The following ADARB1 variants were observed in gnomAD, a reference collection of about 807,000 sequenced individuals.
The protein encoded by ADARB1 is adenosine deaminase RNA specific B1, also known as double-stranded RNA-specific editase 1.
ADARB1 carries 10 observed loss-of-function variants against 52.4 expected under a neutral mutation model. The ratio of observed to expected loss-of-function variants is 0.19; its 90% CI spans 0.12 to 0.32. ADARB1 has a LOEUF of 0.32. ADARB1 is among the 10% of genes least tolerant of loss of function. The pLI is 1.00. For missense variants in ADARB1, 643 were observed against 922.3 expected, an observed-to-expected ratio of 0.70 and a Z score of 3.92; for synonymous variants, 349 against 371.1, an observed-to-expected ratio of 0.94 and a Z score of 0.68.
At chr21:45,122,408 C>A (rs773485069) in intron 1 of ADARB1, among the ~76,000 whole-genome samples, 2 of 152,180 alleles carry the variant, frequency 1.3e-5, no homozygotes, top group African/African-American at 2.4e-5. Flanking sequence ...CCTCAGTGGT[C>A]CCTCTTTTCA....
At chr21:45,116,761 C>T (rs186829764) in intron 1 of ADARB1, among the ~76,000 whole-genome samples, 2 of 152,308 alleles carry the variant, frequency 1.3e-5, no homozygotes, top group South Asian at 2.1e-4. Context: ...CTCACTATCA[C>T]GAAAACAGCA....
In ADARB1 at chr21:45,224,015, G is replaced by T; in HGVS notation, c.*1818G>T. 16 of 985,518 alleles carry T rather than the reference G, an allele frequency of 1.6e-5. No homozygotes were observed. Among genetic ancestry groups the T allele is most frequent in the Non-Finnish European group, 1.9e-5 (16 of 829,994 alleles). The allele number at this position is 985,518 out of a possible 1,614,324, so 61.0% of individuals were successfully genotyped here. ...ACCACAGTGGGGTTTTGTTCAGGCAGATCGCGCTGGGGTTCTGCACCTGCA... is the reference window on the plus strand; with the variant it reads ...ACCACAGTGGGGTTTTGTTCAGGCATATCGCGCTGGGGTTCTGCACCTGCA... On this transcript the variant is annotated 3_prime_UTR_variant, in exon 11 of 11. Coordinates refer to ENST00000348831, the MANE Select transcript of ADARB1 (RefSeq NM_001112.4).
intron 2 of ADARB1, among the ~76,000 whole-genome samples, chr21:45,133,916 C>T (rs2089145397): frequency 9.1e-6 from 1 of 109,710 alleles, no homozygotes; most frequent in Non-Finnish European, 1.8e-5. Flanking sequence ...GTGTGCCCGA[C>T]AGTGGTGTGT....
intron 2 of ADARB1, among the ~76,000 whole-genome samples, chr21:45,160,619 A>G (rs1484120080): frequency 6.6e-6 from 1 of 152,248 alleles, no homozygotes; most frequent in African/African-American, 2.4e-5. Context: ...TCTAGATTTT[A>G]TGTGTCTGGA....
chr21:45,192,962 C>T (rs2092338771), intron 8 of ADARB1, among the ~76,000 whole-genome samples: 1 of 152,008 alleles, frequency 6.6e-6, no homozygotes, highest in African/African-American at 2.4e-5. Context: ...CCAAAAATGA[C>T]AACAAAAGAA....
intron 1 of ADARB1, among the ~76,000 whole-genome samples, chr21:45,098,346 C>CT (rs1322804328): frequency 2.6e-5 from 4 of 152,250 alleles, no homozygotes; most frequent in Admixed American, 6.5e-5. Context: ...CTCCCCGTCT[C>CT]TGTCTAGGGG....
chr21:45,213,494 GATA>G (rs1457293114), intron 9 of ADARB1, among the ~76,000 whole-genome samples: 1 of 152,122 alleles, frequency 6.6e-6, no homozygotes, highest in African/African-American at 2.4e-5. Flanking sequence ...CCACAATAAA[GATA>G]ATGAGTATAC....
chr21:45,168,663 C>T (rs1221831145), intron 2 of ADARB1, among the ~76,000 whole-genome samples: 2 of 152,104 alleles, frequency 1.3e-5, no homozygotes, highest in African/African-American at 4.8e-5. Context: ...GCTCGTCTGC[C>T]CCTTGCCAAC....
Position 45,224,507 on chromosome 21 carries a change from T to TGG in ADARB1, c.*2313_*2314dup, listed in dbSNP as rs1349269827. ...CTGGGAGCCCTGGGTGGGGCAGCTG[T>TGG]GGGGAGGAACTGGGTTCGGGGAGCC... On this transcript the variant is annotated 3_prime_UTR_variant, in exon 11 of 11. Transcript: ENST00000348831. 1.4e-6 allele frequency: 1 copy of TGG among 714,354 alleles called. No individual in the cohort carries two copies. 44.3% of individuals were successfully genotyped at this position (714,354 alleles called of 1,614,324 possible). A position where few individuals can be genotyped will look rare whatever the true frequency, so the allele number is the denominator to read the frequency against.
At chr21:45,141,331 A>G (rs2089713064) in intron 2 of ADARB1, among the ~76,000 whole-genome samples, 1 of 152,212 alleles carries the variant, frequency 6.6e-6, no homozygotes, top group Non-Finnish European at 1.5e-5. Flanking sequence ...CTCATGATCT[A>G]AATATGTAGT....
chr21:45,144,202 T>C (rs1332984236), intron 2 of ADARB1, among the ~76,000 whole-genome samples: 1 of 152,240 alleles, frequency 6.6e-6, no homozygotes, highest in East Asian at 1.9e-4. Flanking sequence ...CTCATAGAGA[T>C]TTTAGAATTC....
At position 45,224,254 on chromosome 21, in the gene ADARB1, G is replaced by A. The variant is rs966097796; in HGVS notation, c.*2057G>A. On this transcript the variant is annotated 3_prime_UTR_variant, in exon 11 of 11. Coordinates refer to ENST00000348831, the MANE Select transcript of ADARB1 (RefSeq NM_001112.4). ...TTCCATATACATACAAAACTACCCG[G>A]TATGTCTGGCTTTTCCCTTCTGTCA... The A allele has an allele frequency of 1.1e-4, 106 of 985,436 alleles. No individual in the cohort carries two copies. Among genetic ancestry groups the A allele is most frequent in the Non-Finnish European group, 1.2e-4 (100 of 829,950 alleles). 61.0% of individuals were successfully genotyped at this position (985,436 alleles called of 1,614,324 possible). A position where few individuals can be genotyped will look rare whatever the true frequency, so the allele number is the denominator to read the frequency against.
At chr21:45,091,036 T>G (rs2086542425) in intron 1 of ADARB1, among the ~76,000 whole-genome samples, 1 of 152,280 alleles carries the variant, frequency 6.6e-6, no homozygotes, top group South Asian at 2.1e-4. Flanking sequence ...TCATATAAAC[T>G]GACATTTTTC....
At position 45,152,384 on chromosome 21, in the gene ADARB1, G is replaced by A. The variant is rs79272572; in HGVS notation, c.-47-19226G>A. Among the ~76,000 whole-genome samples, 466 of 151,266 alleles carry A rather than the reference G, an allele frequency of 3.1e-3. 2 individuals are homozygous for A. The highest frequency in any genetic ancestry group is 5.5e-3 in the Non-Finnish European group (371 of 67,820). The stretch of plus-strand genomic sequence containing the variant: ...TTAGCTGTCACATGTCATTCTCTGG[G>A]TGGTGTGCTCTGAAGTCATTGTGGT... On this transcript the variant is annotated intron_variant, in intron 2 of 10. Coordinates refer to ENST00000348831, the MANE Select transcript of ADARB1 (RefSeq NM_001112.4).
rs118081908 is a variant in ADARB1 at position 45,207,476 on chromosome 21, G to A, written c.1747+2740G>A. On this transcript the variant is annotated intron_variant, in intron 9 of 10. Transcript: ENST00000348831. Reference sequence around the variant, plus strand: ...GGCAAGTAATGCTGTGGGTGTTACTGGAGACAAAAGGAACCAAACAAGAAA... The same window carrying A: ...GGCAAGTAATGCTGTGGGTGTTACTAGAGACAAAAGGAACCAAACAAGAAA... Among the ~76,000 whole-genome samples, 38 of 152,324 alleles carry A rather than the reference G, an allele frequency of 2.5e-4. No homozygotes were observed. The East Asian group carries it at 6.9e-3, about 28-fold the overall frequency.
At chr21:45,090,872 T>A (rs1240478002) in intron 1 of ADARB1, among the ~76,000 whole-genome samples, 1 of 152,260 alleles carries the variant, frequency 6.6e-6, no homozygotes, top group African/African-American at 2.4e-5. Context: ...CATTTGTAGA[T>A]AGCGAAATGC....
chr21:45,110,435 G>A (rs935056205), intron 1 of ADARB1, among the ~76,000 whole-genome samples: 1 of 152,172 alleles, frequency 6.6e-6, no homozygotes, highest in South Asian at 2.1e-4. Flanking sequence ...CTTGGGGACC[G>A]CGTTGTCAAA....
chr21:45,141,132 GTGGCAA>G (rs1340160021), intron 2 of ADARB1, among the ~76,000 whole-genome samples: 1 of 152,156 alleles, frequency 6.6e-6, no homozygotes, highest in Admixed American at 6.5e-5. Context: ...CAGGAGACGG[GTGGCAA>G]TGAGCCAAGA....
At chr21:45,095,633 G>A (rs1028426873) in intron 1 of ADARB1, among the ~76,000 whole-genome samples, 17 of 152,096 alleles carry the variant, frequency 1.1e-4, no homozygotes, top group African/African-American at 3.6e-4. Context: ...TTTCCTTCTC[G>A]GGCTTGGCTC....
Sources: allele counts gnomAD v4.1 joint callset (sites outside exome capture counted in the v4.1 genomes callset), GRCh38; gene constraint gnomAD v4.1.1; transcripts MANE v1.5; gene names NCBI Gene and HGNC (gene_info 2026-07-23, HGNC 2026-07-21).